SFMBT2: variants seen among roughly 807,000 people sequenced by gnomAD.
The protein encoded by SFMBT2 is Scm like with four mbt domains 2.
In SFMBT2, 38 loss-of-function variants were observed where a neutral mutation model predicts 110.1. That is an observed-to-expected ratio of 0.35 (90% CI 0.27 to 0.45). The LOEUF is 0.45. SFMBT2 is among the 20% of genes least tolerant of loss of function. The pLI is 1.00. For missense variants in SFMBT2, 1,011 were observed against 1,094.9 expected, an observed-to-expected ratio of 0.92 and a Z score of 1.08; for synonymous variants, 425 against 425.4, an observed-to-expected ratio of 1.00 and a Z score of 0.01.
intron 1 of SFMBT2, among the ~76,000 whole-genome samples, chr10:7,405,543 C>G (rs1846187543): frequency 6.6e-6 from 1 of 152,208 alleles, no homozygotes; most frequent in Non-Finnish European, 1.5e-5. Flanking sequence ...GCTGCCTTCA[C>G]AAGCACGGTT....
At chr10:7,205,557 A>G (rs1436378864) in intron 12 of SFMBT2, 44 of 985,318 alleles carry the variant, frequency 4.5e-5, no homozygotes, top group Non-Finnish European at 5.2e-5. Context: ...AAAAACTGAG[A>G]GTGATGATTT....
chr10:7,355,284 T>A (rs188553951), intron 4 of SFMBT2, among the ~76,000 whole-genome samples: 294 of 152,232 alleles, frequency 1.9e-3, no homozygotes, highest in Non-Finnish European at 2.2e-3. Context: ...TTAGTGAATA[T>A]CAAACATTTT....
chr10:7,174,539 G>T (rs984866596), intron 17 of SFMBT2, among the ~76,000 whole-genome samples: 1 of 152,190 alleles, frequency 6.6e-6, no homozygotes, highest in Non-Finnish European at 1.5e-5. Flanking sequence ...TTAACCCAAA[G>T]GATCTTGGGA....
intron 16 of SFMBT2, among the ~76,000 whole-genome samples, chr10:7,182,722 T>TG (rs540211018): frequency 2.8e-4 from 7 of 25,222 alleles, no homozygotes; most frequent in East Asian, 1.3e-3. Context: ...TGTTGTGGGG[T>TG]GGGGGAGGGG....
intron 12 of SFMBT2, chr10:7,203,738 C>A: frequency 1.1e-6 from 1 of 891,584 alleles, no homozygotes; most frequent in South Asian, 5.2e-5. Context: ...TGAGACAGAG[C>A]GGAGTATCGC....
intron 7 of SFMBT2, among the ~76,000 whole-genome samples, chr10:7,265,164 C>G (rs1378551855): frequency 6.9e-6 from 1 of 144,866 alleles, no homozygotes; most frequent in African/African-American, 2.5e-5. Flanking sequence ...CCCTCCCTCC[C>G]TCCTTCCCTC....
intron 20 of SFMBT2, chr10:7,164,391 C>A: frequency 1.5e-5 from 15 of 983,380 alleles, no homozygotes; most frequent in Non-Finnish European, 1.8e-5. Flanking sequence ...CTCTAAACAA[C>A]AACAAAAAAC....
chr10:7,249,468 G>C, intron 7 of SFMBT2: 2 of 961,512 alleles, frequency 2.1e-6, no homozygotes, highest in Non-Finnish European at 2.5e-6. Context: ...ATAAACAGCA[G>C]TGGATAAATG....
At chr10:7,304,673 T>C (rs1842644036) in intron 4 of SFMBT2, among the ~76,000 whole-genome samples, 1 of 152,194 alleles carries the variant, frequency 6.6e-6, no homozygotes, top group African/African-American at 2.4e-5. Context: ...TAACTATGCC[T>C]AAATATCCTA....
intron 4 of SFMBT2, among the ~76,000 whole-genome samples, chr10:7,305,748 G>A (rs1052900389): frequency 3.1e-4 from 47 of 152,220 alleles, no homozygotes; most frequent in African/African-American, 1.1e-3. Flanking sequence ...ATGCAGGAGA[G>A]GCAAGGCGAC....
intron 10 of SFMBT2, among the ~76,000 whole-genome samples, chr10:7,222,892 G>A (rs112546190): frequency 0.061 from 9,219 of 152,078 alleles, 371 homozygotes; most frequent in Admixed American, 0.088. Flanking sequence ...GGCTGATCTC[G>A]AACTCCTGAC....
intron 4 of SFMBT2, among the ~76,000 whole-genome samples, chr10:7,330,729 C>T (rs1331169234): frequency 6.6e-6 from 1 of 152,174 alleles, no homozygotes; most frequent in African/African-American, 2.4e-5. Context: ...CTCTCACTTC[C>T]CATATAATAT....
intron 1 of SFMBT2, among the ~76,000 whole-genome samples, chr10:7,400,948 C>A (rs1355626663): frequency 6.6e-6 from 1 of 152,168 alleles, no homozygotes; most frequent in Non-Finnish European, 1.5e-5. Context: ...GCCTGGTCAA[C>A]ATGGTGAAAC....
At chr10:7,305,117 T>C (rs1253070994) in intron 4 of SFMBT2, among the ~76,000 whole-genome samples, 1 of 152,162 alleles carries the variant, frequency 6.6e-6, no homozygotes, top group Non-Finnish European at 1.5e-5. Context: ...AAAAAAGGCA[T>C]TGCAAAAAAA....
chr10:7,287,411 T>C (rs946970035), intron 4 of SFMBT2: 13 of 244,038 alleles, frequency 5.3e-5, no homozygotes, highest in African/African-American at 2.8e-4. Context: ...TATCAGACTG[T>C]GGAGGGCAAC....
In SFMBT2 at chr10:7,171,497, G is replaced by C. The variant is rs565378191; in HGVS notation, c.2415+398C>G. 3.0e-6 allele frequency: 3 copies of C among 985,404 alleles called. No individual in the cohort carries two copies. The East Asian group carries it at 3.4e-4, about 112-fold the overall frequency. The allele number at this position is 985,404 out of a possible 1,614,324, so 61.0% of individuals were successfully genotyped here. On this transcript the variant is annotated intron_variant, in intron 19 of 20. Transcript: ENST00000397167. The surrounding 1 kb of genome is among the most constrained non-coding windows in gnomAD (Gnocchi z 4.9). ...GGGGCTAGGGGAGACCTGAAACACTGATTAAATATTTTAAAACATCACAGA... is the reference window on the plus strand; with the variant it reads ...GGGGCTAGGGGAGACCTGAAACACTCATTAAATATTTTAAAACATCACAGA...
At position 7,182,877 on chromosome 10, in the gene SFMBT2, G is replaced by C. The variant is rs983466419; in HGVS notation, c.1808+5747C>G. 8.6e-5 allele frequency among the ~76,000 whole-genome samples: 13 copies of C among 151,444 alleles called. No homozygotes were observed. In the South Asian group the frequency reaches 1.3e-3, roughly 15 times the overall value. On this transcript the variant is annotated intron_variant, in intron 16 of 20. Coordinates refer to ENST00000397167, the MANE Select transcript of SFMBT2 (RefSeq NM_001387889.1). ...AACTTAAAGTATAATAAAAAAAAAAGTTAAAAAAAAAGAACCACCAAAAAG... is the reference window on the plus strand; with the variant it reads ...AACTTAAAGTATAATAAAAAAAAAACTTAAAAAAAAAGAACCACCAAAAAG...
In SFMBT2 at chr10:7,319,549, T is replaced by C. The variant is rs967286491; in HGVS notation, c.437-33595A>G. Among the ~76,000 whole-genome samples the C allele has an allele frequency of 3.3e-5, 5 of 152,344 alleles. 1 individual carries two copies. Among genetic ancestry groups the C allele is most frequent in the African/African-American group, 4.8e-5 (2 of 41,572 alleles). On this transcript the variant is annotated intron_variant, in intron 4 of 20. Transcript: ENST00000397167. ...TTCCCAGAGTCACAGGTATCAGTTA[T>C]GGTATATCAGGAAGTTTCATTTTGT...
intron 9 of SFMBT2, among the ~76,000 whole-genome samples, chr10:7,229,127 T>G (rs928990284): frequency 1.3e-5 from 2 of 152,166 alleles, no homozygotes; most frequent in Non-Finnish European, 2.9e-5. Flanking sequence ...GAAATCTACA[T>G]GAAGTAAATC....
Sources: gnomAD v4.1 joint callset for allele counts (sites outside exome capture counted in the v4.1 genomes callset) on GRCh38, gnomAD v4.1.1 for gene constraint, Gnocchi (gnomAD v3.1) non-coding constraint, MANE v1.5 for transcripts, NCBI Gene and HGNC (gene_info 2026-07-23, HGNC 2026-07-21) for gene names.